WDSUB1: variants seen among roughly 807,000 people sequenced by gnomAD.
WDSUB1 encodes the protein WD repeat, SAM and U-box domain-containing protein 1.
WDSUB1 carries 49 observed loss-of-function variants against 53.9 expected under a neutral mutation model. The ratio of observed to expected loss-of-function variants is 0.91; its 90% CI spans 0.72 to 1.15. The LOEUF (loss-of-function observed/expected upper bound fraction) is 1.15. Ranked by LOEUF, WDSUB1 falls within the 50% of genes most tolerant of loss-of-function variation. The pLI is 0.00. For synonymous variants in WDSUB1, 194 were observed against 200.6 expected, an observed-to-expected ratio of 0.97 and a Z score of 0.28; for missense variants, 514 against 562.0, an observed-to-expected ratio of 0.91 and a Z score of 0.86.
chr2:159,252,280 T>C (rs2060967095), intron 9 of WDSUB1, among the ~76,000 whole-genome samples: 1 of 141,104 alleles, frequency 7.1e-6, no homozygotes, highest in South Asian at 2.2e-4. Context: ...AGAAGCAGTA[T>C]AGTTTTTAAA....
chr2:159,250,923 C>T (rs1394733228), intron 9 of WDSUB1, among the ~76,000 whole-genome samples: 2 of 151,792 alleles, frequency 1.3e-5, no homozygotes, highest in Non-Finnish European at 2.9e-5. Context: ...AACATGTTTG[C>T]AATAAGACAG....
At chr2:159,242,258 C>G (rs181880888) in intron 10 of WDSUB1, among the ~76,000 whole-genome samples, 1 of 145,974 alleles carries the variant, frequency 6.9e-6, no homozygotes, top group Non-Finnish European at 1.5e-5. Context: ...GGGGTTTTAC[C>G]GTGTTAGCCA....
chr2:159,268,509 AG>A (rs1464724499), intron 5 of WDSUB1, among the ~76,000 whole-genome samples: 1 of 152,214 alleles, frequency 6.6e-6, no homozygotes, highest in African/African-American at 2.4e-5. Context: ...CTGTTTGGCA[AG>A]AATTGGAGCA....
chr2:159,280,081 C>G, intron 2 of WDSUB1, 136 bp from the exon 3 acceptor site: 1 of 712,720 alleles, frequency 1.4e-6, no homozygotes, highest in Non-Finnish European at 2.2e-6. Flanking sequence ...CAACTGATGC[C>G]TACAGAAATA....
At chr2:159,272,514 T>A (rs1377471955) in intron 4 of WDSUB1, among the ~76,000 whole-genome samples, 3 of 152,330 alleles carry the variant, frequency 2.0e-5, no homozygotes, top group Admixed American at 2.0e-4. Flanking sequence ...TGTTACCCTG[T>A]CTCACATTTC....
At chr2:159,242,245 G>GA (rs1197449649) in intron 10 of WDSUB1, among the ~76,000 whole-genome samples, 1 of 146,050 alleles carries the variant, frequency 6.8e-6, no homozygotes, top group Non-Finnish European at 1.5e-5. Flanking sequence ...TTTTAGTAGA[G>GA]ACGGGGTTTT....
chr2:159,261,115 ATC>A lies in WDSUB1; in HGVS notation c.771-1274_771-1273del, dbSNP rs1264437154. Among the ~76,000 whole-genome samples the A allele has an allele frequency of 2.0e-5, 3 of 152,342 alleles. 1 individual carries two copies. In the East Asian group the frequency reaches 5.8e-4, roughly 29 times the overall value. On this transcript the variant is annotated intron_variant, in intron 5 of 10. Transcript: ENST00000359774. ...TTCCTATCTGTGAATTCAACCATGA[ATC>A]AAAATATTCAAGAAAAACATAATAA...
chr2:159,262,849 C>CA (rs1335738330), intron 5 of WDSUB1, among the ~76,000 whole-genome samples: 1 of 152,096 alleles, frequency 6.6e-6, no homozygotes, highest in Non-Finnish European at 1.5e-5. Flanking sequence ...AACCACTAAA[C>CA]AAAAAATCCA....
At position 159,242,258 on chromosome 2, in the gene WDSUB1, C is replaced by T. The variant is rs181880888; in HGVS notation, c.1274-6068G>A. On this transcript the variant is annotated intron_variant, in intron 10 of 10. Coordinates refer to ENST00000359774, the MANE Select transcript of WDSUB1 (RefSeq NM_001128212.3). ...ATTTTTAGTAGAGACGGGGTTTTAC[C>T]GTGTTAGCCAGGATGGTCTCGCTCT... 1.1e-4 allele frequency among the ~76,000 whole-genome samples: 16 copies of T among 146,094 alleles called. 1 individual carries two copies. In the East Asian group the frequency reaches 2.9e-3, roughly 26 times the overall value.
intron 10 of WDSUB1, among the ~76,000 whole-genome samples, chr2:159,247,105 G>A (rs922708543): frequency 2.0e-5 from 3 of 152,158 alleles, no homozygotes; most frequent in African/African-American, 7.2e-5. Context: ...GCAAACAAGA[G>A]TCCTGATAAA....
intron 1 of WDSUB1, among the ~76,000 whole-genome samples, chr2:159,285,072 T>G (rs1228203831): frequency 6.6e-6 from 1 of 152,234 alleles, no homozygotes; most frequent in African/African-American, 2.4e-5. Context: ...CTCCTCCGAC[T>G]AGGATGTAAA....
intron 9 of WDSUB1, among the ~76,000 whole-genome samples, chr2:159,249,477 CT>C (rs949197402): frequency 6.6e-6 from 1 of 152,182 alleles, no homozygotes; most frequent in African/African-American, 2.4e-5. Context: ...CTTACAGTTA[CT>C]AGAAAAAGCC....
chr2:159,262,307 T>C (rs2061243899), intron 5 of WDSUB1, among the ~76,000 whole-genome samples: 1 of 151,910 alleles, frequency 6.6e-6, no homozygotes, highest in South Asian at 2.1e-4. Flanking sequence ...AGTCCACATA[T>C]GGGAACGGCA....
At chr2:159,242,783 T>A (rs1466219215) in intron 10 of WDSUB1, among the ~76,000 whole-genome samples, 2 of 148,224 alleles carry the variant, frequency 1.3e-5, no homozygotes, top group African/African-American at 5.2e-5. Context: ...CCCCCATTTT[T>A]AAAATCGCTT....
At chr2:159,257,349 T>C (rs2151090062) in intron 8 of WDSUB1, among the ~76,000 whole-genome samples, 1 of 151,836 alleles carries the variant, frequency 6.6e-6, no homozygotes, top group Admixed American at 6.6e-5. Context: ...TTTATATTGA[T>C]AAAAGCAATG....
intron 4 of WDSUB1, among the ~76,000 whole-genome samples, chr2:159,275,206 C>G (rs1416454230): frequency 6.6e-6 from 1 of 152,044 alleles, no homozygotes; most frequent in Non-Finnish European, 1.5e-5. Flanking sequence ...GGAAAAGACC[C>G]ACACACTAAC....
Position 159,235,869 on chromosome 2 carries a change from T to G in WDSUB1, c.*164A>C, listed in dbSNP as rs2060466349. On this transcript the variant is annotated 3_prime_UTR_variant, in exon 11 of 11. Transcript: ENST00000359774. ...AGTACAAAAAGGCTTTTATAGTAAG[T>G]CCATGTGTTTTTTAAAGAATGAAAA... The G allele has an allele frequency of 1.8e-6, 1 of 554,756 alleles. No individual in the cohort carries two copies. 34.4% of individuals were successfully genotyped at this position (554,756 alleles called of 1,614,324 possible).
intron 10 of WDSUB1, among the ~76,000 whole-genome samples, chr2:159,244,045 T>A (rs2060726322): frequency 6.6e-6 from 1 of 152,014 alleles, no homozygotes; most frequent in Non-Finnish European, 1.5e-5. Flanking sequence ...GGAAAAAAAA[T>A]ATGTCAATAG....
At chr2:159,245,204 A>C (rs1405881877) in intron 10 of WDSUB1, among the ~76,000 whole-genome samples, 1 of 152,148 alleles carries the variant, frequency 6.6e-6, no homozygotes, top group African/African-American at 2.4e-5. Context: ...GAACTAAGTC[A>C]TGTGATTTTC....
Sources: allele counts gnomAD v4.1 joint callset (sites outside exome capture counted in the v4.1 genomes callset), GRCh38; gene constraint gnomAD v4.1.1; transcripts MANE v1.5; gene names NCBI Gene and HGNC (gene_info 2026-07-23, HGNC 2026-07-21).